The following KCNAB1 variants were observed in gnomAD, a reference collection of about 807,000 sequenced individuals.
The protein encoded by KCNAB1 is potassium voltage-gated channel subfamily A regulatory beta subunit 1.
A neutral mutation model predicts 64.6 loss-of-function variants in KCNAB1; 35 were observed. The ratio of observed to expected loss-of-function variants is 0.54; its 90% CI spans 0.41 to 0.72. The LOEUF (loss-of-function observed/expected upper bound fraction) is 0.72. Among genes scored for constraint, KCNAB1 ranks in the 30% least tolerant of loss-of-function variants. The pLI, the probability that KCNAB1 is intolerant of heterozygous loss-of-function variation, is 0.00. For missense variants in KCNAB1, 401 were observed against 512.9 expected (o/e 0.78, Z 2.11); for synonymous variants, 177 against 183.8 (o/e 0.96, Z 0.30).
chr3:156,381,130 TA>T (rs986668894), intron 1 of KCNAB1, among the ~76,000 whole-genome samples: 3 of 151,778 alleles, frequency 2.0e-5, no homozygotes, highest in Non-Finnish European at 4.4e-5. Context: ...AAAATAACAC[TA>T]AAAAACAAAC....
At chr3:156,212,877 G>A (rs1377166519) in intron 1 of KCNAB1, among the ~76,000 whole-genome samples, 4 of 152,164 alleles carry the variant, frequency 2.6e-5, no homozygotes, top group African/African-American at 9.7e-5. Context: ...TGTAGATAGT[G>A]CAAAATTGTG....
intron 1 of KCNAB1, among the ~76,000 whole-genome samples, chr3:156,251,006 A>T (rs756466517): frequency 6.6e-6 from 1 of 152,182 alleles, no homozygotes; most frequent in Non-Finnish European, 1.5e-5. Context: ...TCTTTGATGC[A>T]TAACTAAGAA....
rs145632634 is a variant in KCNAB1, at chr3:156,423,132, C to T, written c.319+1473C>T. 1.5e-3 allele frequency among the ~76,000 whole-genome samples: 233 copies of T among 152,244 alleles called. 1 individual carries two copies. The Middle Eastern group carries it at 0.02, about 13-fold the overall frequency. On this transcript the variant is annotated intron_variant, in intron 2 of 13. Coordinates refer to ENST00000490337, the MANE Select transcript of KCNAB1 (RefSeq NM_172160.3). ...ATGGAAAGAGACAAGCTGAAGGCTA[C>T]TCTTTTGGATGATGATTGCTATAAA... is the stretch of plus-strand genomic sequence containing the variant.
In KCNAB1 at chr3:156,511,304, C is replaced by T. The variant is rs1336211867; in HGVS notation, c.659-3060C>T. On this transcript the variant is annotated intron_variant, in intron 8 of 13. Transcript: ENST00000490337. ...ATTTTTAGTAGAGACGGGGTTTCAC[C>T]GTGTTAGCCAGGATGGTCTCGATCT... 5.3e-5 allele frequency among the ~76,000 whole-genome samples: 8 copies of T among 152,138 alleles called. No individual in the cohort carries two copies. In the East Asian group the frequency reaches 5.8e-4, roughly 11 times the overall value.
At chr3:156,490,423 A>C (rs528630272) in intron 8 of KCNAB1, among the ~76,000 whole-genome samples, 1 of 152,278 alleles carries the variant, frequency 6.6e-6, no homozygotes, top group South Asian at 2.1e-4. Context: ...TCAAATAAAT[A>C]GAAAAAAGAA....
At chr3:156,383,686 T>C (rs897321041) in intron 1 of KCNAB1, among the ~76,000 whole-genome samples, 2 of 152,134 alleles carry the variant, frequency 1.3e-5, no homozygotes, top group Non-Finnish European at 2.9e-5. Context: ...CTGGCTCAAG[T>C]CAGAAAAAAA....
At chr3:156,366,573 G>T (rs552262816) in intron 1 of KCNAB1, among the ~76,000 whole-genome samples, 3 of 152,286 alleles carry the variant, frequency 2.0e-5, no homozygotes, top group Non-Finnish European at 2.9e-5. Flanking sequence ...GGAGCTCCCA[G>T]CTCCCAGCCA....
chr3:156,199,184 T>C (rs1453949700), intron 1 of KCNAB1, among the ~76,000 whole-genome samples: 1 of 152,220 alleles, frequency 6.6e-6, no homozygotes, highest in Admixed American at 6.5e-5. Flanking sequence ...TGCAGAGATA[T>C]CTGCTATTCA....
chr3:156,167,453 G>T (rs1397927278), intron 1 of KCNAB1, among the ~76,000 whole-genome samples: 1 of 152,148 alleles, frequency 6.6e-6, no homozygotes, highest in African/African-American at 2.4e-5. Context: ...GGAAGCAACA[G>T]TGCTACTGTT....
intron 8 of KCNAB1, among the ~76,000 whole-genome samples, chr3:156,512,522 C>T (rs994751983): frequency 6.6e-6 from 1 of 152,238 alleles, no homozygotes; most frequent in African/African-American, 2.4e-5. Flanking sequence ...CTAGTAGATA[C>T]TGTTGATTGG....
intron 1 of KCNAB1, among the ~76,000 whole-genome samples, chr3:156,414,569 A>G (rs992021342): frequency 2.0e-5 from 3 of 152,234 alleles, no homozygotes; most frequent in Non-Finnish European, 2.9e-5. Context: ...TAACATGAGT[A>G]CTTATGGGGT....
At chr3:156,213,414 A>C (rs752735835) in intron 1 of KCNAB1, among the ~76,000 whole-genome samples, 3 of 152,128 alleles carry the variant, frequency 2.0e-5, no homozygotes, top group Non-Finnish European at 2.9e-5. Flanking sequence ...GGGTCTCACT[A>C]TGTTGACCAG....
At chr3:156,150,192 G>A (rs1715318618) in intron 1 of KCNAB1, among the ~76,000 whole-genome samples, 1 of 152,166 alleles carries the variant, frequency 6.6e-6, no homozygotes, top group South Asian at 2.1e-4. Context: ...GCTGGTGAAG[G>A]GCTGTGGAGG....
At chr3:156,438,956 G>T (rs1194217503) in intron 2 of KCNAB1, among the ~76,000 whole-genome samples, 3 of 152,040 alleles carry the variant, frequency 2.0e-5, no homozygotes, top group Non-Finnish European at 4.4e-5. Context: ...GGAGGTTGCA[G>T]TGAGCCGAGG....
At chr3:156,349,695 C>A (rs556382375) in intron 1 of KCNAB1, among the ~76,000 whole-genome samples, 9 of 152,012 alleles carry the variant, frequency 5.9e-5, no homozygotes, top group Non-Finnish European at 2.9e-5. Flanking sequence ...TGAGTAGCTG[C>A]GACCACAGGC....
At chr3:156,408,070 G>C (rs957537261) in intron 1 of KCNAB1, among the ~76,000 whole-genome samples, 2 of 151,988 alleles carry the variant, frequency 1.3e-5, no homozygotes, top group Admixed American at 6.6e-5. Flanking sequence ...GTGGCGGGCG[G>C]TGGTGGCGGG....
At chr3:156,179,977 A>G (rs868059203) in intron 1 of KCNAB1, among the ~76,000 whole-genome samples, 4 of 152,346 alleles carry the variant, frequency 2.6e-5, no homozygotes, top group African/African-American at 2.4e-5. Context: ...ATCGCTTAAC[A>G]TATATTGAAC....
chr3:156,158,151 C>T (rs1397676099), intron 1 of KCNAB1, among the ~76,000 whole-genome samples: 2 of 124,120 alleles, frequency 1.6e-5, no homozygotes, highest in Admixed American at 1.1e-4. Context: ...GGTGACAGAG[C>T]GAAACTCTGT....
intron 1 of KCNAB1, among the ~76,000 whole-genome samples, chr3:156,219,695 T>TTTTTTATTA (rs1364657333): frequency 1.6e-4 from 23 of 146,740 alleles, no homozygotes; most frequent in African/African-American, 5.2e-4. Context: ...AAGGAATCTT[T>TTTTTTATTA]TTATTATTAT....
Sources: allele counts gnomAD v4.1 joint callset (sites outside exome capture counted in the v4.1 genomes callset), GRCh38; gene constraint gnomAD v4.1.1; transcripts MANE v1.5; gene names NCBI Gene and HGNC (gene_info 2026-07-23, HGNC 2026-07-21).